Variants in KHDRBS2 observed in about 807,000 individuals in gnomAD.
KHDRBS2 encodes the protein KH RNA binding domain containing, signal transduction associated 2.
A neutral mutation model predicts 44.3 loss-of-function variants in KHDRBS2; 26 were observed. The ratio of observed to expected loss-of-function variants is 0.59; its 90% CI spans 0.43 to 0.81. KHDRBS2 has a LOEUF of 0.81. Ranked by LOEUF, KHDRBS2 falls within the 40% of genes least tolerant of loss-of-function variation. The pLI is 0.00. For missense variants in KHDRBS2, 476 were observed against 433.1 expected, an observed-to-expected ratio of 1.10 and a Z score of -0.88; for synonymous variants, 194 against 151.1, an observed-to-expected ratio of 1.28 and a Z score of -2.08.
intron 6 of KHDRBS2, among the ~76,000 whole-genome samples, chr6:61,834,687 A>T (rs1165595277): frequency 6.6e-6 from 1 of 151,958 alleles, no homozygotes; most frequent in Admixed American, 6.6e-5. Flanking sequence ...TCATCATTTA[A>T]TTCTTCTCAT....
At chr6:62,274,775 GA>G (rs1561898771) in intron 1 of KHDRBS2, among the ~76,000 whole-genome samples, 1 of 151,856 alleles carries the variant, frequency 6.6e-6, no homozygotes, top group African/African-American at 2.4e-5. Context: ...TTGTATTATG[GA>G]GATTTTTATG....
chr6:61,866,048 A>C (rs142576663), intron 6 of KHDRBS2, among the ~76,000 whole-genome samples: 7 of 152,134 alleles, frequency 4.6e-5, no homozygotes, highest in Non-Finnish European at 7.4e-5. Context: ...TGGATCTACT[A>C]TTCTGGGCTC....
At chr6:61,898,036 G>A (rs1803252461) in intron 5 of KHDRBS2, among the ~76,000 whole-genome samples, 1 of 151,706 alleles carries the variant, frequency 6.6e-6, no homozygotes, top group Admixed American at 6.6e-5. Flanking sequence ...CATTATTATT[G>A]GAAAATTAGA....
the KHDRBS2 span, among the ~76,000 whole-genome samples, chr6:61,549,195 T>A: frequency 1.3e-5 from 2 of 152,022 alleles, no homozygotes; most frequent in Non-Finnish European, 2.9e-5. Context: ...AACCATAAAG[T>A]ATGAGATATA....
At chr6:61,907,541 T>A (rs1021097690) in intron 4 of KHDRBS2, among the ~76,000 whole-genome samples, 1 of 152,192 alleles carries the variant, frequency 6.6e-6, no homozygotes, top group Non-Finnish European at 1.5e-5. Context: ...TAGTTTGAGG[T>A]CTTACATTTA....
intron 7 of KHDRBS2, among the ~76,000 whole-genome samples, chr6:61,710,781 C>A (rs1222413347): frequency 3.5e-5 from 5 of 141,254 alleles, no homozygotes; most frequent in African/African-American, 1.3e-4. Flanking sequence ...GATCAGCTCT[C>A]ATTGTACCTG....
At chr6:62,243,774 A>G (rs1474484933) in intron 1 of KHDRBS2, among the ~76,000 whole-genome samples, 1 of 152,096 alleles carries the variant, frequency 6.6e-6, no homozygotes, top group Non-Finnish European at 1.5e-5. Context: ...CGAAGTGAAG[A>G]TGTCATCACC....
At chr6:61,757,593 GGTTTA>G (rs1778679433) in intron 6 of KHDRBS2, among the ~76,000 whole-genome samples, 1 of 151,990 alleles carries the variant, frequency 6.6e-6, no homozygotes, top group African/African-American at 2.4e-5. Flanking sequence ...TGTTGACAAT[GGTTTA>G]AAACTATCAT....
the KHDRBS2 span, among the ~76,000 whole-genome samples, chr6:61,641,398 A>G: frequency 2.0e-5 from 3 of 152,166 alleles, no homozygotes; most frequent in African/African-American, 7.2e-5. Flanking sequence ...TCTTTAAGCA[A>G]CTTGAAACTG....
intron 1 of KHDRBS2, among the ~76,000 whole-genome samples, chr6:62,222,259 AGT>A (rs1191041946): frequency 1.3e-5 from 2 of 148,800 alleles, no homozygotes; most frequent in Non-Finnish European, 3.0e-5. Flanking sequence ...AGAGAGAGAG[AGT>A]GGGGGTCTTG....
chr6:61,571,041 C>T, the KHDRBS2 span, among the ~76,000 whole-genome samples: 2 of 151,318 alleles, frequency 1.3e-5, no homozygotes, highest in African/African-American at 4.8e-5. Context: ...CAACAACTAG[C>T]ATGATGAACA....
intron 6 of KHDRBS2, among the ~76,000 whole-genome samples, chr6:61,808,934 C>A (rs2127591965): frequency 6.6e-6 from 1 of 151,572 alleles, no homozygotes; most frequent in East Asian, 1.9e-4. Context: ...AAATGAAATT[C>A]AATTAAATTT....
intron 6 of KHDRBS2, among the ~76,000 whole-genome samples, chr6:61,738,456 TA>T (rs1159764141): frequency 1.3e-5 from 2 of 152,004 alleles, no homozygotes; most frequent in African/African-American, 4.8e-5. Context: ...GACAAGTCCT[TA>T]TAGGATCCTT....
chr6:62,154,560 A>G (rs1373050219), intron 2 of KHDRBS2, among the ~76,000 whole-genome samples: 1 of 152,174 alleles, frequency 6.6e-6, no homozygotes, highest in Non-Finnish European at 1.5e-5. Context: ...TCTGTATGAA[A>G]GAAGATTACT....
chr6:62,246,310 C>A (rs1482582923), intron 1 of KHDRBS2, among the ~76,000 whole-genome samples: 3 of 151,708 alleles, frequency 2.0e-5, no homozygotes, highest in Non-Finnish European at 2.9e-5. Context: ...TATAGGCTAG[C>A]TGGACTTACA....
intron 6 of KHDRBS2, among the ~76,000 whole-genome samples, chr6:61,772,432 T>C (rs1383989583): frequency 3.3e-5 from 5 of 151,488 alleles, no homozygotes; most frequent in Non-Finnish European, 7.4e-5. Flanking sequence ...GCAAGACCAA[T>C]AAAGAAGAAA....
chr6:61,974,644 A>G (rs1189909435), intron 4 of KHDRBS2, among the ~76,000 whole-genome samples: 1 of 152,042 alleles, frequency 6.6e-6, no homozygotes, highest in East Asian at 1.9e-4. Context: ...TGAAAAGACT[A>G]TAGTGTGTCT....
chr6:62,214,332 G>C (rs1585236926), intron 1 of KHDRBS2, among the ~76,000 whole-genome samples: 1 of 152,132 alleles, frequency 6.6e-6, no homozygotes, highest in African/African-American at 2.4e-5. Flanking sequence ...ATGCAGGTAA[G>C]TATGAAATTA....
At chr6:61,762,447 T>G (rs527493451) in intron 6 of KHDRBS2, among the ~76,000 whole-genome samples, 1 of 152,262 alleles carries the variant, frequency 6.6e-6, no homozygotes, top group African/African-American at 2.4e-5. Flanking sequence ...GGGGGCAGAT[T>G]CCTCATGAAT....
Sources: allele counts gnomAD v4.1 joint callset (sites outside exome capture counted in the v4.1 genomes callset), GRCh38; gene constraint gnomAD v4.1.1; transcripts MANE v1.5; gene names NCBI Gene and HGNC (gene_info 2026-07-23, HGNC 2026-07-21).